UPF2: variants seen among roughly 807,000 people sequenced by gnomAD.
UPF2 encodes the protein regulator of nonsense transcripts 2.
Under a neutral mutation model 141.4 loss-of-function variants are expected in UPF2, and 17 were observed. The observed-to-expected ratio is 0.12, with a 90% confidence interval of 0.08 to 0.18. The LOEUF (loss-of-function observed/expected upper bound fraction) is 0.18. Ranked by LOEUF, UPF2 falls within the 10% of genes least tolerant of loss-of-function variation. The pLI, the probability that UPF2 is intolerant of heterozygous loss-of-function variation, is 1.00. For synonymous variants in UPF2, 540 were observed against 498.0 expected (o/e 1.08, Z -1.12); for missense variants, 1,152 against 1,515.9 (o/e 0.76, Z 3.99).
intron 8 of UPF2, among the ~76,000 whole-genome samples, chr10:11,986,046 G>A (rs1187608928): frequency 2.6e-5 from 4 of 151,508 alleles, no homozygotes; most frequent in East Asian, 2.0e-4. Flanking sequence ...CACCAAGCCC[G>A]GCTAATTTTT....
chr10:11,946,023 G>T (rs1042010918), intron 16 of UPF2, among the ~76,000 whole-genome samples: 3 of 151,978 alleles, frequency 2.0e-5, no homozygotes, highest in Non-Finnish European at 4.4e-5. Context: ...ACATATTCCA[G>T]TTCTAAATTT....
At position 11,996,464 on chromosome 10, in the gene UPF2, T is replaced by C. The variant is rs1187203227; in HGVS notation, c.1844+1208A>G. Among the ~76,000 whole-genome samples, 8 of 151,978 alleles carry C rather than the reference T, an allele frequency of 5.3e-5. No homozygotes were observed. The East Asian group carries it at 9.7e-4, about 18-fold the overall frequency. On this transcript the variant is annotated intron_variant, in intron 8 of 21. Coordinates refer to ENST00000357604, the MANE Select transcript of UPF2 (RefSeq NM_015542.4). The stretch of plus-strand genomic sequence containing the variant: ...CTGGGTTCAACCGGTTCTCCTGCCA[T>C]GGCCTCATGAGAAGCTGAGTATGGG...
intron 19 of UPF2, among the ~76,000 whole-genome samples, chr10:11,934,556 T>C (rs1031240607): frequency 6.6e-6 from 1 of 152,170 alleles, no homozygotes; most frequent in Admixed American, 6.5e-5. Context: ...TGCCGTGAAG[T>C]CTTTGCCAGC....
chr10:11,934,855 T>A (rs1357358900), intron 19 of UPF2, among the ~76,000 whole-genome samples: 1 of 152,220 alleles, frequency 6.6e-6, no homozygotes, highest in Non-Finnish European at 1.5e-5. Context: ...CCCAAAGTGC[T>A]GGGATTACAG....
Position 11,936,857 on chromosome 10 carries a change from A to T in UPF2, c.3379-145T>A. 1 of 759,076 alleles carries T rather than the reference A, an allele frequency of 1.3e-6. No homozygotes were observed. The highest frequency in any genetic ancestry group is 2.0e-6 in the Non-Finnish European group (1 of 508,954). 47.0% of individuals were successfully genotyped at this position (759,076 alleles called of 1,614,324 possible). A position where few individuals can be genotyped will look rare whatever the true frequency, so the allele number is the denominator to read the frequency against. On this transcript the variant is annotated intron_variant, in intron 18 of 21. Coordinates refer to ENST00000357604, the MANE Select transcript of UPF2 (RefSeq NM_015542.4). The surrounding 1 kb of genome is among the most constrained non-coding windows in gnomAD (Gnocchi z 6.6). The stretch of plus-strand genomic sequence containing the variant: ...AACAGTCAACAATTACAACCACCAT[A>T]ATACTCTTTCTGAAACGTGGATAAA...
At chr10:12,022,176 C>T (rs991253421) in intron 3 of UPF2, among the ~76,000 whole-genome samples, 3 of 150,730 alleles carry the variant, frequency 2.0e-5, no homozygotes, top group Non-Finnish European at 3.0e-5. Flanking sequence ...CTTTGGGAGG[C>T]CGAGGAGGGC....
At chr10:12,022,543 T>C (rs1316617550) in intron 3 of UPF2, among the ~76,000 whole-genome samples, 1 of 152,134 alleles carries the variant, frequency 6.6e-6, no homozygotes, top group Non-Finnish European at 1.5e-5. Flanking sequence ...TTAAAATGGG[T>C]ACTACTACTA....
chr10:11,972,757 C>T (rs1013588182), intron 9 of UPF2, among the ~76,000 whole-genome samples: 3 of 152,170 alleles, frequency 2.0e-5, no homozygotes, highest in Non-Finnish European at 2.9e-5. Context: ...GTATAATGTG[C>T]CACATTTTCT....
chr10:11,948,869 C>A (rs532660205), intron 15 of UPF2, among the ~76,000 whole-genome samples: 1 of 151,914 alleles, frequency 6.6e-6, no homozygotes, highest in Non-Finnish European at 1.5e-5. Context: ...TAAGATACAG[C>A]GTTGGCCACA....
Position 11,923,765 on chromosome 10 carries a change from G to T in UPF2, c.3810-2458C>A, listed in dbSNP as rs1478427775. Among the ~76,000 whole-genome samples, 7 of 152,230 alleles carry T rather than the reference G, an allele frequency of 4.6e-5. No homozygotes were observed. The East Asian group carries it at 1.4e-3, about 29-fold the overall frequency. The stretch of plus-strand genomic sequence containing the variant: ...GAGGCACAAGAATTGCTTGAACTCG[G>T]GAGGCAGAGGTTGCAGTGAGCCGAG... On this transcript the variant is annotated intron_variant, in intron 21 of 21. Coordinates refer to ENST00000357604, the MANE Select transcript of UPF2 (RefSeq NM_015542.4).
Position 11,959,407 on chromosome 10 carries a change from T to C in UPF2, c.2185-51A>G. ...AAAACACGTTCCTTCTAAGATTCCT[T>C]TACTCCTAACTAAACTTCTATTCTC... On this transcript the variant is annotated intron_variant, in intron 11 of 21. Transcript: ENST00000357604. This position sits in a 1 kb window ranked among gnomAD's most constrained non-coding sequence, Gnocchi z 5.9. 6.7e-7 allele frequency: 1 copy of C among 1,503,646 alleles called. No individual in the cohort carries two copies. Among genetic ancestry groups the C allele is most frequent in the African/African-American group, 1.4e-5 (1 of 71,314 alleles). The allele number at this position is 1,503,646 out of a possible 1,614,324, so 93.1% of individuals were successfully genotyped here.
In UPF2 at chr10:11,930,059, G is replaced by A. The variant is rs540749668; in HGVS notation, c.3689-74C>T. 12 of 1,590,750 alleles carry A rather than the reference G, an allele frequency of 7.5e-6. No individual in the cohort carries two copies. In the African/African-American group the frequency reaches 1.5e-4, roughly 20 times the overall value. On this transcript the variant is annotated intron_variant, in intron 20 of 21. Transcript: ENST00000357604. ...ACTCCTCCTACAGAGTGAACGAAAT[G>A]TTGGGGAGATTAAGTTTATTAGTCC...
At chr10:11,993,973 A>G (rs923035057) in intron 8 of UPF2, among the ~76,000 whole-genome samples, 3 of 152,144 alleles carry the variant, frequency 2.0e-5, no homozygotes, top group South Asian at 2.1e-4. Flanking sequence ...TAGGCAACAG[A>G]GCAGGACCCT....
At chr10:12,024,516 AG>A (rs1300223474) in intron 3 of UPF2, among the ~76,000 whole-genome samples, 3 of 152,088 alleles carry the variant, frequency 2.0e-5, no homozygotes, top group Non-Finnish European at 4.4e-5. Flanking sequence ...AGGCTGAGGT[AG>A]GAGAATTGCT....
At chr10:11,989,649 G>A (rs2131246995) in intron 8 of UPF2, among the ~76,000 whole-genome samples, 1 of 152,308 alleles carries the variant, frequency 6.6e-6, no homozygotes, top group Non-Finnish European at 1.5e-5. Flanking sequence ...CGTAGCAAGG[G>A]ACACAATGTT....
At position 11,956,295 on chromosome 10, in the gene UPF2, T is replaced by G; in HGVS notation, c.2574+25A>C. On this transcript the variant is annotated intron_variant, in intron 13 of 21. Transcript: ENST00000357604. The surrounding 1 kb of genome is among the most constrained non-coding windows in gnomAD (Gnocchi z 4.2). ...AAATTCTCCACGAATTCCAGTTGTG[T>G]GACATTAAAGGAAGTCTTGTTTACC... is the stretch of plus-strand genomic sequence containing the variant. The G allele has an allele frequency of 1.3e-4, 210 of 1,602,296 alleles. No homozygotes were observed. Among genetic ancestry groups the G allele is most frequent in the Non-Finnish European group, 1.7e-4 (199 of 1,169,326 alleles).
chr10:12,032,387 G>A (rs185488079), intron 2 of UPF2, among the ~76,000 whole-genome samples: 23 of 151,810 alleles, frequency 1.5e-4, no homozygotes, highest in African/African-American at 5.6e-4. Flanking sequence ...CTTATATATC[G>A]AAGTTTTTAT....
At chr10:11,954,643 A>AATATAT (rs1554775869) in intron 14 of UPF2, among the ~76,000 whole-genome samples, 3,687 of 128,180 alleles carry the variant, frequency 0.029, 101 homozygotes, top group East Asian at 0.1. Flanking sequence ...CAAAAAAAAA[A>AATATAT]ATATATATAT....
intron 3 of UPF2, among the ~76,000 whole-genome samples, chr10:12,026,287 G>A (rs1308595547): frequency 6.6e-6 from 1 of 152,126 alleles, no homozygotes; most frequent in East Asian, 1.9e-4. Context: ...AAGCTTCAGT[G>A]CAAATAAGTT....
Sources: allele counts gnomAD v4.1 joint callset (sites outside exome capture counted in the v4.1 genomes callset), GRCh38; gene constraint gnomAD v4.1.1; non-coding constraint Gnocchi (gnomAD v3.1); transcripts MANE v1.5; gene names NCBI Gene and HGNC (gene_info 2026-07-23, HGNC 2026-07-21).